The following PCDH15 variants were observed in gnomAD, a reference collection of about 807,000 sequenced individuals.
PCDH15 encodes protocadherin-15.
Under a neutral mutation model 178.5 loss-of-function variants are expected in PCDH15, and 129 were observed. The observed-to-expected ratio is 0.72, with a 90% confidence interval of 0.63 to 0.84. The LOEUF (loss-of-function observed/expected upper bound fraction) is 0.84, where lower values mean the gene tolerates loss of function less well. Ranked by LOEUF, PCDH15 falls within the 40% of genes least tolerant of loss-of-function variation. The pLI is 0.00. For missense variants in PCDH15, 2,230 were observed against 2,099.9 expected (o/e 1.06, Z -1.21); for synonymous variants, 800 against 732.0 (o/e 1.09, Z -1.50).
At chr10:54,323,331 G>A (rs2061725832) in intron 7 of PCDH15, among the ~76,000 whole-genome samples, 1 of 152,032 alleles carries the variant, frequency 6.6e-6, no homozygotes, top group African/African-American at 2.4e-5. Context: ...TTAAAACCAA[G>A]CTACCATTCA....
At chr10:54,320,921 T>C (rs1010879687) in intron 7 of PCDH15, among the ~76,000 whole-genome samples, 1 of 151,868 alleles carries the variant, frequency 6.6e-6, no homozygotes, top group Non-Finnish European at 1.5e-5. Flanking sequence ...GTGTTTTAAA[T>C]CATTAAGTAA....
intron 1 of PCDH15, among the ~76,000 whole-genome samples, chr10:55,238,525 T>G (rs1399747647): frequency 2.0e-5 from 3 of 152,100 alleles, no homozygotes; most frequent in Non-Finnish European, 4.4e-5. Context: ...ATAAAACAAT[T>G]TTTTGAATAA....
At chr10:55,582,596 G>GTA (rs56817323) in intron 2 of PCDH15, among the ~76,000 whole-genome samples, 8,843 of 89,736 alleles carry the variant, frequency 0.099, 666 homozygotes, top group Non-Finnish European at 0.14. Context: ...ATGTGTATGT[G>GTA]TATATATATA....
chr10:55,031,025 A>C (rs1352966153), intron 2 of PCDH15, among the ~76,000 whole-genome samples: 1 of 152,148 alleles, frequency 6.6e-6, no homozygotes, highest in African/African-American at 2.4e-5. Context: ...ATCACATAAA[A>C]TGCTCAAAGT....
chr10:54,737,163 T>A (rs961962530), intron 1 of PCDH15, among the ~76,000 whole-genome samples: 2 of 152,056 alleles, frequency 1.3e-5, no homozygotes, highest in African/African-American at 2.4e-5. Flanking sequence ...GTGCTTCTTA[T>A]GCGAAACTGG....
At chr10:54,328,079 A>G (rs941275080) in intron 7 of PCDH15, among the ~76,000 whole-genome samples, 2 of 152,002 alleles carry the variant, frequency 1.3e-5, no homozygotes, top group African/African-American at 4.8e-5. Context: ...ACTTCATGGT[A>G]TCATCCAGAG....
chr10:53,841,398 G>A (rs1037281517), intron 28 of PCDH15, among the ~76,000 whole-genome samples: 3 of 151,908 alleles, frequency 2.0e-5, no homozygotes, highest in Non-Finnish European at 4.4e-5. Flanking sequence ...GGGGGAGAAG[G>A]GCAATATATT....
At chr10:54,276,746 T>C (rs189381847) in intron 8 of PCDH15, among the ~76,000 whole-genome samples, 21 of 151,822 alleles carry the variant, frequency 1.4e-4, no homozygotes, top group Admixed American at 5.9e-4. Context: ...ATTTATACAG[T>C]GGAAGTCAGT....
rs1566067251 is a variant in PCDH15, at chr10:54,731,550, A to ATATATATATATATATATATATG, written c.-28-67261_-28-67260insCATATATATATATATATATATA. Among the ~76,000 whole-genome samples the ATATATATATATATATATATATG allele has an allele frequency of 3.7e-3, 129 of 34,596 alleles. 10 individuals are homozygous for ATATATATATATATATATATATG. The highest frequency in any genetic ancestry group is 7.7e-3 in the Non-Finnish European group (104 of 13,488). 22.7% of individuals were successfully genotyped at this position (34,596 alleles called of 152,430 possible). On this transcript the variant is annotated intron_variant, in intron 1 of 37. Transcript: ENST00000644397. ...AATAAAGAAAATGTGAGATAGATAT[A>ATATATATATATATATATATATG]TATATATATATATACACACACACAC... is the stretch of plus-strand genomic sequence containing the variant.
At chr10:54,141,766 A>C (rs1206404455) in intron 14 of PCDH15, among the ~76,000 whole-genome samples, 1 of 152,168 alleles carries the variant, frequency 6.6e-6, no homozygotes, top group East Asian at 1.9e-4. Context: ...GGTACTTGAA[A>C]ACAAAATATG....
intron 2 of PCDH15, among the ~76,000 whole-genome samples, chr10:54,983,535 C>T (rs919997229): frequency 6.6e-5 from 10 of 152,130 alleles, no homozygotes; most frequent in African/African-American, 2.2e-4. Flanking sequence ...CTTGGAATAA[C>T]CAGGCCTGAG....
At chr10:54,763,678 G>T (rs866506583) in intron 1 of PCDH15, among the ~76,000 whole-genome samples, 47 of 150,602 alleles carry the variant, frequency 3.1e-4, no homozygotes, top group African/African-American at 1.1e-3. Flanking sequence ...ATGGTGAATT[G>T]ATTTTTACGT....
chr10:55,479,772 C>CA (rs887820216), intron 2 of PCDH15, among the ~76,000 whole-genome samples: 3 of 150,990 alleles, frequency 2.0e-5, no homozygotes, highest in African/African-American at 7.3e-5. Flanking sequence ...CAGATTCCAC[C>CA]AAAAAAAGGG....
intron 6 of PCDH15, among the ~76,000 whole-genome samples, chr10:54,344,588 G>A (rs1942883257): frequency 6.6e-6 from 1 of 151,818 alleles, no homozygotes; most frequent in Admixed American, 6.6e-5. Flanking sequence ...TTTACACCTT[G>A]GGGAGTAAAG....
chr10:54,444,342 C>T (rs76777903), intron 3 of PCDH15, among the ~76,000 whole-genome samples: 2,688 of 151,748 alleles, frequency 0.018, 93 homozygotes, highest in African/African-American at 0.062. Flanking sequence ...ATGGCACATG[C>T]AAGAGACCCC....
At chr10:54,804,032 T>C (rs575835881), upstream of PCDH15, among the ~76,000 whole-genome samples, 1 of 152,128 alleles carries the variant, frequency 6.6e-6, no homozygotes, top group African/African-American at 2.4e-5. Context: ...AAATAAGCTG[T>C]CAAAAAAATT....
chr10:55,209,762 T>C (rs1342015551), intron 1 of PCDH15, among the ~76,000 whole-genome samples: 1 of 151,830 alleles, frequency 6.6e-6, no homozygotes, highest in African/African-American at 2.4e-5. Flanking sequence ...ATAACATGAG[T>C]TTTAGTGTTT....
intron 1 of PCDH15, among the ~76,000 whole-genome samples, chr10:55,197,634 A>C (rs774377666): frequency 7.2e-5 from 11 of 152,132 alleles, no homozygotes; most frequent in Non-Finnish European, 1.6e-4. Context: ...TAGTGGCTAC[A>C]TAATAGAAGC....
chr10:55,346,815 G>C (rs563426534), intron 2 of PCDH15, among the ~76,000 whole-genome samples: 1 of 151,832 alleles, frequency 6.6e-6, no homozygotes. Context: ...GGCTGCTCAC[G>C]GTTCCTGTGA....
Sources: gnomAD v4.1 joint callset for allele counts (sites outside exome capture counted in the v4.1 genomes callset) on GRCh38, gnomAD v4.1.1 for gene constraint, MANE v1.5 for transcripts, NCBI Gene and HGNC (gene_info 2026-07-23, HGNC 2026-07-21) for gene names.